CTNNA3: variants seen among roughly 807,000 people sequenced by gnomAD.
CTNNA3 encodes the protein catenin alpha 3, also known as catenin alpha-3.
Under a neutral mutation model 95.7 loss-of-function variants are expected in CTNNA3, and 76 were observed. The ratio of observed to expected loss-of-function variants is 0.79; its 90% confidence interval spans 0.66 to 0.96. The LOEUF (loss-of-function observed/expected upper bound fraction) is 0.96, where lower values mean the gene tolerates loss of function less well. Among genes scored for constraint, CTNNA3 ranks in the 40% least tolerant of loss-of-function variants. CTNNA3 has a pLI of 0.00. For missense variants in CTNNA3, 1,191 were observed against 1,089.8 expected, an observed-to-expected ratio of 1.09 and a Z score of -1.31; for synonymous variants, 431 against 374.4, an observed-to-expected ratio of 1.15 and a Z score of -1.74.
At chr10:66,073,768 G>C (rs1427890226) in intron 14 of CTNNA3, among the ~76,000 whole-genome samples, 6 of 151,870 alleles carry the variant, frequency 4.0e-5, no homozygotes, top group Non-Finnish European at 2.9e-5. Context: ...TGATGGAATT[G>C]TGCAATCCTT....
chr10:67,027,272 G>C (rs1589625612), intron 7 of CTNNA3, among the ~76,000 whole-genome samples: 2 of 152,096 alleles, frequency 1.3e-5, no homozygotes, highest in Non-Finnish European at 2.9e-5. Flanking sequence ...GAGTCACCTA[G>C]ATCTTTTTAA....
At chr10:66,420,585 G>T (rs2093183048) in intron 11 of CTNNA3, among the ~76,000 whole-genome samples, 2 of 151,936 alleles carry the variant, frequency 1.3e-5, no homozygotes, top group Admixed American at 1.3e-4. Flanking sequence ...CAGGTCATGA[G>T]GTCAGGAGAT....
At chr10:66,007,704 T>TCTTCCCTCCCTCCCTCCCTC (rs2078916470) in intron 15 of CTNNA3, among the ~76,000 whole-genome samples, 1 of 86,280 alleles carries the variant, frequency 1.2e-5, no homozygotes, top group Non-Finnish European at 2.3e-5. Context: ...GGCTTTTAGA[T>TCTTCCCTCCCTCCCTCCCTC]CCTCCCTCCC....
At chr10:66,797,795 A>C (rs7908535) in intron 7 of CTNNA3, among the ~76,000 whole-genome samples, 6,393 of 151,946 alleles carry the variant, frequency 0.042, 451 homozygotes, top group African/African-American at 0.15. Flanking sequence ...TTCCTCAGTC[A>C]ATTTTTTTTT....
intron 3 of CTNNA3, among the ~76,000 whole-genome samples, chr10:67,581,544 G>A (rs1169487197): frequency 6.6e-6 from 1 of 152,144 alleles, no homozygotes; most frequent in Non-Finnish European, 1.5e-5. Flanking sequence ...TCTCTTCCAG[G>A]CTTTGGTATC....
chr10:66,730,694 T>C (rs1848933164), intron 9 of CTNNA3, among the ~76,000 whole-genome samples: 1 of 152,216 alleles, frequency 6.6e-6, no homozygotes, highest in Non-Finnish European at 1.5e-5. Flanking sequence ...AGTGATCTTT[T>C]ATATCACATG....
intron 15 of CTNNA3, among the ~76,000 whole-genome samples, chr10:66,027,111 T>C (rs1260373216): frequency 6.6e-6 from 1 of 152,136 alleles, no homozygotes; most frequent in Non-Finnish European, 1.5e-5. Flanking sequence ...AAGAAAATAA[T>C]TGCAATGTGA....
intron 11 of CTNNA3, among the ~76,000 whole-genome samples, chr10:66,473,451 C>A (rs1839206421): frequency 6.6e-6 from 1 of 151,964 alleles, no homozygotes; most frequent in Admixed American, 6.6e-5. Flanking sequence ...GACCTTTCAA[C>A]CATGTGAAAC....
intron 11 of CTNNA3, among the ~76,000 whole-genome samples, chr10:66,407,801 G>T (rs966031029): frequency 3.3e-5 from 5 of 152,172 alleles, no homozygotes; most frequent in African/African-American, 1.2e-4. Flanking sequence ...GGCTGGTCTC[G>T]ATCTCCTGAC....
intron 11 of CTNNA3, among the ~76,000 whole-genome samples, chr10:66,428,750 A>G (rs1046232288): frequency 2.0e-5 from 3 of 152,198 alleles, no homozygotes; most frequent in Admixed American, 2.0e-4. Flanking sequence ...ACACATTTAA[A>G]GCAGTGTGTA....
chr10:66,766,159 T>C, intron 9 of CTNNA3, 105 bp downstream of exon 9: 3 of 1,126,118 alleles, frequency 2.7e-6, no homozygotes, highest in South Asian at 1.4e-5. Flanking sequence ...GCTGTATTTG[T>C]AACACGGTGT....
intron 13 of CTNNA3, among the ~76,000 whole-genome samples, chr10:66,156,677 T>C (rs1287968021): frequency 6.6e-6 from 1 of 151,886 alleles, no homozygotes. Context: ...ATATTTCACA[T>C]ATGGCATTGG....
chr10:67,597,832 A>T (rs1842972195), intron 3 of CTNNA3, among the ~76,000 whole-genome samples: 1 of 152,196 alleles, frequency 6.6e-6, no homozygotes, highest in Admixed American at 6.5e-5. Flanking sequence ...AAGAGGCTGC[A>T]GGTGAATGCA....
chr10:66,569,457 T>A (rs915327013), intron 10 of CTNNA3, among the ~76,000 whole-genome samples: 1 of 152,176 alleles, frequency 6.6e-6, no homozygotes, highest in Non-Finnish European at 1.5e-5. Flanking sequence ...CTTTGCAATA[T>A]TTAAAAATGA....
intron 1 of CTNNA3, among the ~76,000 whole-genome samples, chr10:67,682,499 T>G (rs1480744999): frequency 6.6e-6 from 1 of 152,132 alleles, no homozygotes; most frequent in Non-Finnish European, 1.5e-5. Flanking sequence ...CAGCCAAAAT[T>G]GAAAATTTTT....
intron 7 of CTNNA3, among the ~76,000 whole-genome samples, chr10:67,111,620 C>A (rs185409994): frequency 2.6e-5 from 4 of 151,860 alleles, no homozygotes; most frequent in African/African-American, 7.2e-5. Flanking sequence ...TTTTGTCAAA[C>A]CAATATGTGT....
Position 66,666,151 on chromosome 10 carries a change from T to C in CTNNA3, c.1282-44367A>G, listed in dbSNP as rs145452111. On this transcript the variant is annotated intron_variant, in intron 9 of 17. Transcript: ENST00000433211. ...GACAGAGCAGACAGTAGAAGCCAAG[T>C]TCGTTTGCCTTGACTCCCATGTATT... 3.4e-3 allele frequency among the ~76,000 whole-genome samples: 516 copies of C among 152,250 alleles called. 4 individuals carry two copies. Among genetic ancestry groups the C allele is most frequent in the South Asian group, 0.026 (127 of 4,820 alleles).
At chr10:67,192,718 A>G (rs535048087) in intron 6 of CTNNA3, among the ~76,000 whole-genome samples, 6 of 152,096 alleles carry the variant, frequency 3.9e-5, no homozygotes, top group African/African-American at 1.4e-4. Context: ...TAAAAATACA[A>G]CTACCAAAAG....
chr10:66,377,358 C>A (rs1464020700), intron 12 of CTNNA3, among the ~76,000 whole-genome samples: 3 of 151,956 alleles, frequency 2.0e-5, no homozygotes, highest in African/African-American at 7.2e-5. Flanking sequence ...AGATTTTTTT[C>A]TCTTCTGAAT....
Sources: allele counts gnomAD v4.1 joint callset (sites outside exome capture counted in the v4.1 genomes callset), GRCh38; gene constraint gnomAD v4.1.1; transcripts MANE v1.5; gene names NCBI Gene and HGNC (gene_info 2026-07-23, HGNC 2026-07-21).